RASGRF2: variants seen among roughly 807,000 people sequenced by gnomAD.
The protein encoded by RASGRF2 is ras-specific guanine nucleotide-releasing factor 2.
In RASGRF2, 76 loss-of-function variants were observed where a neutral mutation model predicts 151.0. The ratio of observed to expected loss-of-function variants is 0.50; its 90% confidence interval spans 0.42 to 0.61. The LOEUF is 0.61. Among genes scored for constraint, RASGRF2 ranks in the 20% least tolerant of loss-of-function variants. The pLI is 0.00. For synonymous variants in RASGRF2, 504 were observed against 566.5 expected, an observed-to-expected ratio of 0.89 and a Z score of 1.57; for missense variants, 1,148 against 1,564.6, an observed-to-expected ratio of 0.73 and a Z score of 4.49.
chr5:81,126,989 G>A, intron 16 of RASGRF2, 85 bp from the exon 17 acceptor site: 1 of 1,442,880 alleles, frequency 6.9e-7, no homozygotes. Flanking sequence ...CCTTCATCTG[G>A]TGCAGGAAGA....
At chr5:80,979,251 A>G (rs1748224581) in intron 1 of RASGRF2, among the ~76,000 whole-genome samples, 1 of 152,256 alleles carries the variant, frequency 6.6e-6, no homozygotes, top group Admixed American at 6.5e-5. Context: ...AAAATTCAAC[A>G]TAAGATGTAA....
chr5:81,079,133 C>A (rs1752017401), intron 5 of RASGRF2, among the ~76,000 whole-genome samples: 1 of 152,142 alleles, frequency 6.6e-6, no homozygotes, highest in African/African-American at 2.4e-5. Flanking sequence ...ACATCCAGAA[C>A]CATAGCTGCA....
chr5:81,006,673 C>A (rs951297749), intron 1 of RASGRF2, among the ~76,000 whole-genome samples: 1 of 152,174 alleles, frequency 6.6e-6, no homozygotes, highest in Non-Finnish European at 1.5e-5. Context: ...GAGGAAGGAG[C>A]CTTGAGACCT....
At chr5:80,996,583 C>G (rs1319441057) in intron 1 of RASGRF2, among the ~76,000 whole-genome samples, 1 of 97,080 alleles carries the variant, frequency 1.0e-5, no homozygotes, top group Admixed American at 1.2e-4. Context: ...CCTCCTCCCC[C>G]TCCTCTTTCT....
At chr5:81,160,718 T>TAATA (rs1264940366) in intron 17 of RASGRF2, among the ~76,000 whole-genome samples, 4 of 146,572 alleles carry the variant, frequency 2.7e-5, no homozygotes, top group African/African-American at 1.0e-4. Context: ...ATAATAATAA[T>TAATA]AAGTCAACCA....
chr5:80,995,339 C>A (rs1332986838), intron 1 of RASGRF2, among the ~76,000 whole-genome samples: 4 of 150,052 alleles, frequency 2.7e-5, no homozygotes, highest in Admixed American at 2.0e-4. Flanking sequence ...TCTGATCTGA[C>A]TTTTGTCACT....
At chr5:81,193,651 G>C (rs1040770582) in intron 18 of RASGRF2, among the ~76,000 whole-genome samples, 1 of 152,102 alleles carries the variant, frequency 6.6e-6, no homozygotes, top group African/African-American at 2.4e-5. Context: ...GCGTAGCTGG[G>C]ATTACAGGCG....
Position 81,206,846 on chromosome 5 carries a change from GC to G in RASGRF2, c.2911del (p.Leu971PhefsTer11). 1 of 1,607,502 alleles carries G rather than the reference GC, an allele frequency of 6.2e-7. No individual in the cohort carries two copies. Among genetic ancestry groups the G allele is most frequent in the Non-Finnish European group, 8.5e-7 (1 of 1,174,042 alleles). ...ERKAAANILR[A>X]LSQDDQDDIH... The stretch of plus-strand genomic sequence containing the variant: ...AGGATAATTTGATATCTTTTTCAGG[GC>G]CCTTTCACAAGATGACCAAGATGAC... On this transcript the variant is annotated frameshift_variant and splice_region_variant, in exon 20 of 27. Transcript: ENST00000265080. LOFTEE classifies it high-confidence loss of function.
intron 16 of RASGRF2, among the ~76,000 whole-genome samples, chr5:81,125,643 C>G (rs1050105528): frequency 1.3e-5 from 2 of 152,186 alleles, no homozygotes; most frequent in Admixed American, 6.5e-5. Flanking sequence ...AAGGCTCTAC[C>G]AAGGCAAGAG....
In RASGRF2 at chr5:81,162,540, G is replaced by A. The variant is rs115320135; in HGVS notation, c.2687-17635G>A. Among the ~76,000 whole-genome samples the A allele has an allele frequency of 5.0e-3, 740 of 147,982 alleles. 20 individuals are homozygous for A. The highest frequency in any genetic ancestry group is 0.018 in the African/African-American group (710 of 40,008). ...TTTTTGTATATTTTAGTAGAGACGGGTTTCACCATTTTGGTCAGGCTGGTC... is the reference window on the plus strand; with the variant it reads ...TTTTTGTATATTTTAGTAGAGACGGATTTCACCATTTTGGTCAGGCTGGTC... On this transcript the variant is annotated intron_variant, in intron 17 of 26. Coordinates refer to ENST00000265080, the MANE Select transcript of RASGRF2 (RefSeq NM_006909.3).
At chr5:80,969,541 A>T (rs190838868) in intron 1 of RASGRF2, among the ~76,000 whole-genome samples, 11 of 147,794 alleles carry the variant, frequency 7.4e-5, no homozygotes, top group South Asian at 2.2e-4. Context: ...CTCCGCCTCC[A>T]GGGTTCACAC....
At chr5:81,212,250 T>G (rs1755644566) in intron 22 of RASGRF2, 116 bp from the exon 23 acceptor site, 1 of 662,694 alleles carries the variant, frequency 1.5e-6, no homozygotes, top group Non-Finnish European at 2.6e-6. Context: ...GAATATGATC[T>G]TCAAGCTACT....
intron 1 of RASGRF2, among the ~76,000 whole-genome samples, chr5:81,024,653 G>A (rs1749953306): frequency 6.6e-6 from 1 of 152,186 alleles, no homozygotes; most frequent in Admixed American, 6.5e-5. Context: ...GTAGGGGGAG[G>A]TGGGACAACT....
At chr5:81,003,410 A>T (rs1561548596) in intron 1 of RASGRF2, among the ~76,000 whole-genome samples, 1 of 152,048 alleles carries the variant, frequency 6.6e-6, no homozygotes, top group Non-Finnish European at 1.5e-5. Flanking sequence ...TTTTTAGTAG[A>T]GACAGGGTTT....
At position 81,152,151 on chromosome 5, in the gene RASGRF2, G is replaced by A. The variant is rs556188384; in HGVS notation, c.2686+24988G>A. On this transcript the variant is annotated intron_variant, in intron 17 of 26. Transcript: ENST00000265080. ...AGAGTAGCTGGGATTACAGGTGCGT[G>A]CCAACATGCCTAGCTAATTTTTGTA... 3.9e-5 allele frequency among the ~76,000 whole-genome samples: 6 copies of A among 152,196 alleles called. No homozygotes were observed. The East Asian group carries it at 7.7e-4, about 20-fold the overall frequency.
intron 25 of RASGRF2, among the ~76,000 whole-genome samples, chr5:81,218,192 C>G (rs975556782): frequency 1.3e-5 from 2 of 152,124 alleles, no homozygotes; most frequent in African/African-American, 4.8e-5. Flanking sequence ...TTTAATCTTG[C>G]GGTGGAAGAG....
At position 81,086,612 on chromosome 5, in the gene RASGRF2, C is replaced by T. The variant is rs77680539; in HGVS notation, c.1272-223C>T. On this transcript the variant is annotated intron_variant, in intron 8 of 26. Transcript: ENST00000265080. ...TAGAAGCAGACATGCCCAGGATGCTCGTAATTGCTGACCCATTTACTGTTT... is the reference window on the plus strand; with the variant it reads ...TAGAAGCAGACATGCCCAGGATGCTTGTAATTGCTGACCCATTTACTGTTT... 4.1e-3 allele frequency among the ~76,000 whole-genome samples: 617 copies of T among 152,190 alleles called. 4 individuals are homozygous for T. Among genetic ancestry groups the T allele is most frequent in the African/African-American group, 0.014 (592 of 41,508 alleles).
At chr5:80,994,735 T>G (rs1021697909) in intron 1 of RASGRF2, among the ~76,000 whole-genome samples, 4 of 152,212 alleles carry the variant, frequency 2.6e-5, no homozygotes, top group Admixed American at 6.5e-5. Flanking sequence ...CACAAAAGCA[T>G]TATGATTTGA....
At chr5:80,988,008 C>CGTGTGTGTGT (rs58750663) in intron 1 of RASGRF2, among the ~76,000 whole-genome samples, 77 of 139,494 alleles carry the variant, frequency 5.5e-4, no homozygotes, top group Middle Eastern at 3.6e-3. Context: ...AATAAATGTG[C>CGTGTGTGTGT]GTGTGTGTGT....
Sources: gnomAD v4.1 joint callset for allele counts (sites outside exome capture counted in the v4.1 genomes callset) on GRCh38, gnomAD v4.1.1 for gene constraint, MANE v1.5 for transcripts, NCBI Gene and HGNC (gene_info 2026-07-23, HGNC 2026-07-21) for gene names.